The following NAV2 variants were observed in gnomAD, a reference collection of about 807,000 sequenced individuals.
The protein encoded by NAV2 is neuron navigator 2.
In NAV2, 54 loss-of-function variants were observed where a neutral mutation model predicts 223.2. That is an observed-to-expected ratio of 0.24 (90% CI 0.19 to 0.30). The LOEUF is 0.30. NAV2 is among the 10% of genes least tolerant of loss of function. The pLI is 1.00. For synonymous variants in NAV2, 1,279 were observed against 1,239.3 expected (o/e 1.03, Z -0.67); for missense variants, 2,806 against 3,147.5 (o/e 0.89, Z 2.60).
intron 1 of NAV2, among the ~76,000 whole-genome samples, chr11:19,767,208 T>G (rs2055300867): frequency 6.6e-6 from 1 of 152,166 alleles, no homozygotes; most frequent in Admixed American, 6.5e-5. Flanking sequence ...CATATCCACA[T>G]TTGGGAATTT....
At chr11:19,818,268 A>G (rs577667259) in intron 1 of NAV2, among the ~76,000 whole-genome samples, 3 of 98,916 alleles carry the variant, frequency 3.0e-5, no homozygotes, top group Non-Finnish European at 5.4e-5. Context: ...TTTTTACTCC[A>G]TCTCACCTGT....
intron 1 of NAV2, among the ~76,000 whole-genome samples, chr11:19,826,017 A>G (rs1282064054): frequency 6.6e-6 from 1 of 152,154 alleles, no homozygotes; most frequent in East Asian, 1.9e-4. Context: ...GTTAGAAGGG[A>G]TGGGCAGAGG....
At chr11:19,997,599 C>T (rs2052035473) in intron 11 of NAV2, among the ~76,000 whole-genome samples, 1 of 152,154 alleles carries the variant, frequency 6.6e-6, no homozygotes, top group Non-Finnish European at 1.5e-5. Flanking sequence ...CAGGAATTAT[C>T]CATATTTCAC....
At chr11:19,528,396 C>A (rs563050142) in intron 1 of NAV2, among the ~76,000 whole-genome samples, 1 of 152,066 alleles carries the variant, frequency 6.6e-6, no homozygotes, top group Non-Finnish European at 1.5e-5. Flanking sequence ...GAGAACAGTG[C>A]GCCATGTCTC....
intron 1 of NAV2, among the ~76,000 whole-genome samples, chr11:19,592,415 ATT>A (rs1238606565): frequency 6.6e-6 from 1 of 152,002 alleles, no homozygotes; most frequent in African/African-American, 2.4e-5. Context: ...TCACCTCAGA[ATT>A]TTTTATTCCT....
intron 1 of NAV2, among the ~76,000 whole-genome samples, chr11:19,792,365 A>G (rs1404298331): frequency 6.6e-6 from 1 of 152,182 alleles, no homozygotes; most frequent in East Asian, 1.9e-4. Context: ...CTGCCCTCCG[A>G]AGGATTTGGC....
chr11:19,394,504 A>G (rs1849373263), intron 1 of NAV2, among the ~76,000 whole-genome samples: 1 of 152,118 alleles, frequency 6.6e-6, no homozygotes, highest in Non-Finnish European at 1.5e-5. Context: ...CTGGCACACA[A>G]TGGTCAATGT....
intron 1 of NAV2, among the ~76,000 whole-genome samples, chr11:19,481,450 C>G (rs2042277948): frequency 6.6e-6 from 1 of 152,116 alleles, no homozygotes; most frequent in Admixed American, 6.5e-5. Context: ...GCTAAATATC[C>G]AAGCAGTGGT....
intron 1 of NAV2, among the ~76,000 whole-genome samples, chr11:19,726,814 G>A (rs946558598): frequency 3.3e-5 from 5 of 152,090 alleles, no homozygotes; most frequent in Non-Finnish European, 7.3e-5. Flanking sequence ...TAAGATCCCG[G>A]ATGACATATA....
intron 1 of NAV2, among the ~76,000 whole-genome samples, chr11:19,501,008 C>T (rs561964414): frequency 6.6e-6 from 1 of 152,282 alleles, no homozygotes; most frequent in Admixed American, 6.5e-5. Context: ...TCTGGGTGCT[C>T]TGGGGGCAAA....
chr11:19,723,939 G>A (rs1046322158), intron 1 of NAV2, among the ~76,000 whole-genome samples: 5 of 152,190 alleles, frequency 3.3e-5, no homozygotes, highest in Non-Finnish European at 7.3e-5. Flanking sequence ...CAGACCTTCC[G>A]GTGTGCAAGC....
chr11:19,513,192 G>A (rs532120239), intron 1 of NAV2, among the ~76,000 whole-genome samples: 1 of 152,270 alleles, frequency 6.6e-6, no homozygotes, highest in African/African-American at 2.4e-5. Context: ...TTGTTTGGTG[G>A]TGTTTCACGT....
chr11:19,679,071 A>G (rs922214780), intron 1 of NAV2, among the ~76,000 whole-genome samples: 2 of 152,230 alleles, frequency 1.3e-5, no homozygotes, highest in African/African-American at 4.8e-5. Flanking sequence ...TTAAAAATGT[A>G]TATGTCTCCA....
At chr11:19,569,567 TTCTC>T (rs953579852) in intron 1 of NAV2, among the ~76,000 whole-genome samples, 1 of 151,664 alleles carries the variant, frequency 6.6e-6, no homozygotes, top group Non-Finnish European at 1.5e-5. Context: ...TGGCAGCTGT[TTCTC>T]TCTCTCTCTC....
chr11:19,426,340 G>A (rs1348532741), intron 1 of NAV2, among the ~76,000 whole-genome samples: 1 of 152,088 alleles, frequency 6.6e-6, no homozygotes, highest in Non-Finnish European at 1.5e-5. Flanking sequence ...GCTTCCCCAG[G>A]GCATTTAATG....
intron 1 of NAV2, among the ~76,000 whole-genome samples, chr11:19,796,030 A>C (rs1236008915): frequency 6.6e-6 from 1 of 152,214 alleles, no homozygotes; most frequent in Non-Finnish European, 1.5e-5. Context: ...AGGGCTAAGC[A>C]CTAAACTGCA....
chr11:20,070,683 A>G (rs1472900525), intron 22 of NAV2, among the ~76,000 whole-genome samples: 1 of 152,118 alleles, frequency 6.6e-6, no homozygotes, highest in Non-Finnish European at 1.5e-5. Flanking sequence ...ACTACTCAAA[A>G]CCACCTTCTC....
intron 8 of NAV2, among the ~76,000 whole-genome samples, chr11:19,943,138 CT>C (rs1276582125): frequency 1.3e-5 from 2 of 152,050 alleles, no homozygotes; most frequent in Non-Finnish European, 2.9e-5. Context: ...CTAGACTTAG[CT>C]TCATAATCAA....
At chr11:19,582,095 T>C (rs920786471) in intron 1 of NAV2, among the ~76,000 whole-genome samples, 1 of 152,256 alleles carries the variant, frequency 6.6e-6, no homozygotes, top group African/African-American at 2.4e-5. Flanking sequence ...TGGTTTTGAT[T>C]TGCATTTCTC....
Sources: allele counts gnomAD v4.1 joint callset (sites outside exome capture counted in the v4.1 genomes callset), GRCh38; gene constraint gnomAD v4.1.1; transcripts MANE v1.5; gene names NCBI Gene and HGNC (gene_info 2026-07-23, HGNC 2026-07-21).